The following CAMKMT variants were observed in gnomAD, a reference collection of about 807,000 sequenced individuals.
The protein encoded by CAMKMT is CaM KMT.
A neutral mutation model predicts 48.0 loss-of-function variants in CAMKMT; 53 were observed. The observed-to-expected ratio is 1.10, with a 90% CI of 0.89 to 1.39. The LOEUF is 1.39. Among genes scored for constraint, CAMKMT ranks in the 40% most tolerant of loss-of-function variants. CAMKMT has a pLI of 0.00. For synonymous variants in CAMKMT, 165 were observed against 152.3 expected, an observed-to-expected ratio of 1.08 and a Z score of -0.61; for missense variants, 428 against 402.7, an observed-to-expected ratio of 1.06 and a Z score of -0.54.
At chr2:44,572,390 T>C (rs115739508) in intron 3 of CAMKMT, among the ~76,000 whole-genome samples, 1 of 152,330 alleles carries the variant, frequency 6.6e-6, no homozygotes, top group African/African-American at 2.4e-5. Flanking sequence ...GTTTGTCCTT[T>C]AGTGAATGAC....
intron 3 of CAMKMT, among the ~76,000 whole-genome samples, chr2:44,423,396 T>A (rs1417251581): frequency 1.3e-5 from 2 of 152,062 alleles, no homozygotes; most frequent in African/African-American, 4.8e-5. Context: ...GCCACACTGG[T>A]CTCGAACTCC....
At chr2:44,523,407 C>G (rs1173338235) in intron 3 of CAMKMT, among the ~76,000 whole-genome samples, 1 of 151,622 alleles carries the variant, frequency 6.6e-6, no homozygotes, top group Non-Finnish European at 1.5e-5. Context: ...ATTCTCCTGA[C>G]TCAGCCTCCT....
At chr2:44,459,743 C>T (rs934598509) in intron 3 of CAMKMT, among the ~76,000 whole-genome samples, 1 of 152,152 alleles carries the variant, frequency 6.6e-6, no homozygotes, top group African/African-American at 2.4e-5. Context: ...GTTAGCAAGC[C>T]TTGATAGCAA....
intron 3 of CAMKMT, among the ~76,000 whole-genome samples, chr2:44,581,273 C>T (rs73927156): frequency 1.7e-3 from 264 of 152,182 alleles, no homozygotes; most frequent in African/African-American, 5.7e-3. Flanking sequence ...AGCTGTTTAT[C>T]ATGTGCTAAG....
intron 3 of CAMKMT, among the ~76,000 whole-genome samples, chr2:44,398,985 A>T (rs1351628991): frequency 1.3e-5 from 2 of 152,096 alleles, no homozygotes; most frequent in Non-Finnish European, 2.9e-5. Flanking sequence ...ATTTTCTGGG[A>T]GGTGGGAACA....
chr2:44,661,310 CTTTTTTTTT>C (rs764984677), intron 3 of CAMKMT, among the ~76,000 whole-genome samples: 1 of 89,180 alleles, frequency 1.1e-5, no homozygotes, highest in South Asian at 3.9e-4. Context: ...TGTGAGCAGC[CTTTTTTTTT>C]TTTTTTTTTT....
chr2:44,547,385 G>A (rs898296345), intron 3 of CAMKMT, among the ~76,000 whole-genome samples: 3 of 152,148 alleles, frequency 2.0e-5, no homozygotes, highest in Admixed American at 6.5e-5. Context: ...TGATGCTGAC[G>A]TGGTGGTGCA....
intron 3 of CAMKMT, among the ~76,000 whole-genome samples, chr2:44,564,471 G>A (rs1380189852): frequency 1.3e-5 from 2 of 152,034 alleles, no homozygotes; most frequent in Admixed American, 6.6e-5. Context: ...CACCACACAT[G>A]GCCTAGAACT....
chr2:44,721,795 C>T (rs1678472592), intron 7 of CAMKMT, among the ~76,000 whole-genome samples: 1 of 151,352 alleles, frequency 6.6e-6, no homozygotes, highest in Non-Finnish European at 1.5e-5. Flanking sequence ...TTGAAATCAG[C>T]CTGGGCAACA....
intron 3 of CAMKMT, among the ~76,000 whole-genome samples, chr2:44,656,037 A>G (rs1292006806): frequency 6.6e-6 from 1 of 152,178 alleles, no homozygotes; most frequent in African/African-American, 2.4e-5. Context: ...GTTTCTTTTA[A>G]GTGATATTAT....
chr2:44,656,460 A>G (rs566335596), intron 3 of CAMKMT, among the ~76,000 whole-genome samples: 118 of 152,316 alleles, frequency 7.7e-4, no homozygotes, highest in African/African-American at 2.8e-3. Context: ...ACTCAGGTAC[A>G]TTACAGCTTT....
intron 3 of CAMKMT, among the ~76,000 whole-genome samples, chr2:44,665,361 G>A (rs546165818): frequency 9.9e-5 from 15 of 152,266 alleles, no homozygotes; most frequent in East Asian, 1.9e-4. Context: ...GTGAGCCACC[G>A]TGCCCGGCCT....
intron 3 of CAMKMT, among the ~76,000 whole-genome samples, chr2:44,400,249 C>T (rs1031607680): frequency 3.3e-5 from 5 of 152,052 alleles, no homozygotes; most frequent in African/African-American, 7.2e-5. Flanking sequence ...AGAACACATA[C>T]ATTTTTTATT....
intron 3 of CAMKMT, among the ~76,000 whole-genome samples, chr2:44,593,688 TA>T (rs1222341524): frequency 2.0e-5 from 3 of 151,852 alleles, no homozygotes; most frequent in Admixed American, 6.6e-5. Flanking sequence ...GGTGAGGGAG[TA>T]AATCTAGTCA....
chr2:44,510,543 T>C lies in CAMKMT; in HGVS notation c.376+120238T>C, dbSNP rs533538019. ...ACTATTTTCCCCTTTGTAATTAATA[T>C]TAATAAATATCTTGTTGAGACATAC... On this transcript the variant is annotated intron_variant, in intron 3 of 10. Coordinates refer to ENST00000378494, the MANE Select transcript of CAMKMT (RefSeq NM_024766.5). Among the ~76,000 whole-genome samples, 17 of 152,300 alleles carry C rather than the reference T, an allele frequency of 1.1e-4. No homozygotes were observed. In the South Asian group the frequency reaches 3.5e-3, roughly 32 times the overall value.
At chr2:44,549,614 G>T in intron 3 of CAMKMT, 1 of 681,374 alleles carries the variant, frequency 1.5e-6, no homozygotes. Context: ...ACTCAGTGCA[G>T]CCTCAAACTC....
intron 3 of CAMKMT, among the ~76,000 whole-genome samples, chr2:44,477,630 C>G (rs891604382): frequency 6.6e-6 from 1 of 152,144 alleles, no homozygotes; most frequent in Non-Finnish European, 1.5e-5. Flanking sequence ...TGGTTGAGCA[C>G]ATTTAGCTTT....
intron 3 of CAMKMT, among the ~76,000 whole-genome samples, chr2:44,640,272 AACAAT>A (rs1177688698): frequency 6.6e-6 from 1 of 152,236 alleles, no homozygotes; most frequent in East Asian, 1.9e-4. Context: ...CACTGGTTTT[AACAAT>A]ACAATACAAA....
intron 3 of CAMKMT, among the ~76,000 whole-genome samples, chr2:44,646,796 C>A (rs575619233): frequency 6.6e-6 from 1 of 152,246 alleles, no homozygotes; most frequent in South Asian, 2.1e-4. Flanking sequence ...ACTTTAGAGA[C>A]ACTAGATTCT....
Sources: gnomAD v4.1 joint callset for allele counts (sites outside exome capture counted in the v4.1 genomes callset) on GRCh38, gnomAD v4.1.1 for gene constraint, MANE v1.5 for transcripts, NCBI Gene and HGNC (gene_info 2026-07-23, HGNC 2026-07-21) for gene names.